The following RBFOX1 variants were observed in gnomAD, a reference collection of about 807,000 sequenced individuals.
RBFOX1 encodes RNA binding protein fox-1 homolog 1.
Under a neutral mutation model 57.7 loss-of-function variants are expected in RBFOX1, and 8 were observed. The ratio of observed to expected loss-of-function variants is 0.14; its 90% confidence interval spans 0.08 to 0.25. The LOEUF (loss-of-function observed/expected upper bound fraction) is 0.25, where lower values mean the gene tolerates loss of function less well. Among genes scored for constraint, RBFOX1 ranks in the 10% least tolerant of loss-of-function variants. The pLI, the probability that RBFOX1 is intolerant of heterozygous loss-of-function variation, is 1.00. For synonymous variants in RBFOX1, 326 were observed against 222.4 expected (o/e 1.47, Z -4.15); for missense variants, 611 against 548.5 (o/e 1.11, Z -1.14).
chr16:6,217,080 C>T (rs1026358861), intron 1 of RBFOX1, among the ~76,000 whole-genome samples: 9 of 151,768 alleles, frequency 5.9e-5, no homozygotes, highest in African/African-American at 2.2e-4. Context: ...CAAAGCTTTG[C>T]TAGATTAATG....
chr16:6,959,665 A>C (rs1339753475), intron 3 of RBFOX1, among the ~76,000 whole-genome samples: 2 of 152,100 alleles, frequency 1.3e-5, no homozygotes, highest in Non-Finnish European at 2.9e-5. Context: ...GGCTGGGCGT[A>C]ATGGCTCACA....
At chr16:5,704,511 A>G (rs1250805763) in intron 3 of RBFOX1, among the ~76,000 whole-genome samples, 1 of 152,190 alleles carries the variant, frequency 6.6e-6, no homozygotes, top group Non-Finnish European at 1.5e-5. Flanking sequence ...TTTGCATACT[A>G]ATAAAGATTG....
At chr16:5,532,488 C>T (rs780269332) in intron 2 of RBFOX1, among the ~76,000 whole-genome samples, 1 of 152,062 alleles carries the variant, frequency 6.6e-6, no homozygotes, top group Non-Finnish European at 1.5e-5. Flanking sequence ...GAGTCAGATG[C>T]GTATTAAAGT....
intron 3 of RBFOX1, among the ~76,000 whole-genome samples, chr16:6,932,747 C>T (rs112778849): frequency 0.027 from 4,065 of 152,258 alleles, 183 homozygotes; most frequent in African/African-American, 0.092. Flanking sequence ...GAAATAAATA[C>T]AATGTAAAAT....
chr16:7,220,478 C>T (rs1246257852), intron 4 of RBFOX1, among the ~76,000 whole-genome samples: 1 of 152,164 alleles, frequency 6.6e-6, no homozygotes. Context: ...CAACATGGGA[C>T]CTCCCTAAGC....
chr16:5,815,664 G>T (rs754699277), intron 3 of RBFOX1, among the ~76,000 whole-genome samples: 6 of 152,136 alleles, frequency 3.9e-5, no homozygotes, highest in Admixed American at 6.6e-5. Flanking sequence ...GTGTGTGAAG[G>T]TCCTCAAAGA....
chr16:6,493,421 G>C (rs1246758257), intron 2 of RBFOX1, among the ~76,000 whole-genome samples: 1 of 152,108 alleles, frequency 6.6e-6, no homozygotes, highest in Non-Finnish European at 1.5e-5. Flanking sequence ...GCAAAATCAT[G>C]ATCCTTATCC....
intron 3 of RBFOX1, among the ~76,000 whole-genome samples, chr16:5,642,216 G>C (rs1042480984): frequency 2.0e-5 from 3 of 152,226 alleles, no homozygotes; most frequent in East Asian, 3.9e-4. Context: ...GCAGGCAAAG[G>C]AAAGCTGCCA....
At chr16:5,428,144 GTGTA>G (rs971857310) in intron 1 of RBFOX1, among the ~76,000 whole-genome samples, 4 of 150,442 alleles carry the variant, frequency 2.7e-5, no homozygotes, top group African/African-American at 9.9e-5. Flanking sequence ...GTGTGTGTGT[GTGTA>G]TGTGTGTATG....
At chr16:7,599,808 T>TA (rs1029473132) in intron 9 of RBFOX1, among the ~76,000 whole-genome samples, 2 of 150,998 alleles carry the variant, frequency 1.3e-5, no homozygotes, top group African/African-American at 2.4e-5. Flanking sequence ...AGTTTTTTTT[T>TA]TTATTTTTTG....
At chr16:6,364,798 G>A (rs1371968557) in intron 2 of RBFOX1, among the ~76,000 whole-genome samples, 1 of 152,160 alleles carries the variant, frequency 6.6e-6, no homozygotes, top group Non-Finnish European at 1.5e-5. Context: ...TTGACCTTTT[G>A]TTTCCCTCTG....
intron 3 of RBFOX1, among the ~76,000 whole-genome samples, chr16:5,642,610 G>A (rs189391263): frequency 1.3e-5 from 2 of 152,048 alleles, no homozygotes; most frequent in East Asian, 1.9e-4. Context: ...GTGCCTAGCC[G>A]CCCCCCCTTC....
intron 2 of RBFOX1, among the ~76,000 whole-genome samples, chr16:6,362,016 C>T (rs866428600): frequency 1.3e-5 from 2 of 152,122 alleles, no homozygotes; most frequent in East Asian, 1.9e-4. Flanking sequence ...CCTTCATGCT[C>T]AAGGAGCTTA....
In RBFOX1 at chr16:6,779,861, T is replaced by TTATATATTTATATATATTTA. The variant is rs1208080510; in HGVS notation, c.-16+125247_-16+125266dup. On this transcript the variant is annotated intron_variant, in intron 3 of 15. Transcript: ENST00000550418. ...TATTTATATATATATTTATATATAT[T>TTATATATTTATATATATTTA]TATATATTTATATATATTTATATAT... is the stretch of plus-strand genomic sequence containing the variant. Among the ~76,000 whole-genome samples, 4 of 17,146 alleles carry TTATATATTTATATATATTTA rather than the reference T, an allele frequency of 2.3e-4. 1 individual carries two copies. The highest frequency in any genetic ancestry group is 3.6e-4 in the Non-Finnish European group (4 of 11,174). 11.2% of individuals were successfully genotyped at this position (17,146 alleles called of 152,430 possible).
chr16:5,959,671 A>G, intron 4 of RBFOX1, among the ~76,000 whole-genome samples: 1 of 152,258 alleles, frequency 6.6e-6, no homozygotes, highest in East Asian at 1.9e-4. Context: ...TTTTCACCAG[A>G]AAACAGAAAG....
chr16:5,895,431 G>C (rs1232291058), intron 4 of RBFOX1, among the ~76,000 whole-genome samples: 2 of 152,192 alleles, frequency 1.3e-5, no homozygotes, highest in East Asian at 3.8e-4. Context: ...GGACTCTCTA[G>C]TGAATGCCAA....
chr16:5,585,215 C>G (rs2046792930), intron 2 of RBFOX1, among the ~76,000 whole-genome samples: 1 of 152,134 alleles, frequency 6.6e-6, no homozygotes, highest in African/African-American at 2.4e-5. Context: ...TTTTCTGTCT[C>G]TACAGGATTG....
At chr16:7,185,715 G>A (rs970577577) in intron 4 of RBFOX1, among the ~76,000 whole-genome samples, 1 of 152,160 alleles carries the variant, frequency 6.6e-6, no homozygotes, top group South Asian at 2.1e-4. Flanking sequence ...TGCTACCACT[G>A]AAAGTGGTAA....
chr16:6,016,140 A>G (rs753375899), upstream of RBFOX1, among the ~76,000 whole-genome samples: 6 of 152,194 alleles, frequency 3.9e-5, no homozygotes, highest in Non-Finnish European at 8.8e-5. Flanking sequence ...CAAATCTTTG[A>G]TGTAAAGACC....
Sources: allele counts gnomAD v4.1 joint callset (sites outside exome capture counted in the v4.1 genomes callset), GRCh38; gene constraint gnomAD v4.1.1; transcripts MANE v1.5; gene names NCBI Gene and HGNC (gene_info 2026-07-23, HGNC 2026-07-21).